The following CAMTA1 variants were observed in gnomAD, a reference collection of about 807,000 sequenced individuals.
CAMTA1 encodes calmodulin-binding transcription activator 1.
Under a neutral mutation model 170.9 loss-of-function variants are expected in CAMTA1, and 27 were observed. The ratio of observed to expected loss-of-function variants is 0.16; its 90% CI spans 0.12 to 0.22. The LOEUF (loss-of-function observed/expected upper bound fraction) is 0.22. CAMTA1 is among the 10% of genes least tolerant of loss of function. CAMTA1 has a pLI of 1.00. For synonymous variants in CAMTA1, 833 were observed against 891.5 expected (o/e 0.93, Z 1.17); for missense variants, 1,619 against 2,217.2 (o/e 0.73, Z 5.42).
At position 6,948,401 on chromosome 1, in the gene CAMTA1, C is replaced by T. The variant is rs555444307; in HGVS notation, c.234+123191C>T. On this transcript the variant is annotated intron_variant, in intron 3 of 22. Transcript: ENST00000303635. ...ACCGGCTGCTTCCCATATGTACATG[C>T]GTAGGTAAGAGCAAGATAGAAATGA... is the stretch of plus-strand genomic sequence containing the variant. Among the ~76,000 whole-genome samples the T allele has an allele frequency of 1.1e-4, 17 of 152,276 alleles. No homozygotes were observed. In the South Asian group the frequency reaches 3.3e-3, roughly 30 times the overall value.
chr1:7,375,347 C>A (rs2086763870), intron 5 of CAMTA1, among the ~76,000 whole-genome samples: 1 of 152,146 alleles, frequency 6.6e-6, no homozygotes, highest in African/African-American at 2.4e-5. Context: ...CAGCCCCTGA[C>A]CCGAAACCAC....
At chr1:7,220,692 A>G (rs531076167) in intron 4 of CAMTA1, among the ~76,000 whole-genome samples, 2 of 152,306 alleles carry the variant, frequency 1.3e-5, no homozygotes, top group South Asian at 4.1e-4. Flanking sequence ...CACAGCCAAC[A>G]TCTGAGCTGC....
intron 5 of CAMTA1, among the ~76,000 whole-genome samples, chr1:7,457,764 G>T (rs1407846548): frequency 1.3e-5 from 2 of 152,126 alleles, no homozygotes; most frequent in Non-Finnish European, 2.9e-5. Flanking sequence ...CATCCAGACC[G>T]AGGGGCCCTC....
chr1:6,916,012 G>GC (rs1680705778), intron 3 of CAMTA1, among the ~76,000 whole-genome samples: 1 of 152,130 alleles, frequency 6.6e-6, no homozygotes, highest in Admixed American at 6.5e-5. Context: ...GGGTGGTGGA[G>GC]CCCTGAGTCT....
At chr1:7,290,005 G>A (rs143241837) in intron 5 of CAMTA1, among the ~76,000 whole-genome samples, 281 of 152,300 alleles carry the variant, frequency 1.8e-3, no homozygotes, top group African/African-American at 6.1e-3. Context: ...TAGACTTCTG[G>A]CATCCAGAAC....
At chr1:6,847,575 G>A (rs1181307932) in intron 3 of CAMTA1, among the ~76,000 whole-genome samples, 1 of 150,060 alleles carries the variant, frequency 6.7e-6, no homozygotes, top group African/African-American at 2.5e-5. Flanking sequence ...GTCTTACCCT[G>A]TCACCCAAGC....
intron 5 of CAMTA1, among the ~76,000 whole-genome samples, chr1:7,431,671 A>C (rs1269717697): frequency 6.6e-6 from 1 of 152,168 alleles, no homozygotes; most frequent in African/African-American, 2.4e-5. Flanking sequence ...CCGCTCAAGC[A>C]TACCCCAGCC....
At chr1:6,920,288 T>C (rs2149318556) in intron 3 of CAMTA1, among the ~76,000 whole-genome samples, 1 of 152,312 alleles carries the variant, frequency 6.6e-6, no homozygotes, top group Non-Finnish European at 1.5e-5. Context: ...AATTTTAAAG[T>C]TCCAAAATGA....
At position 7,726,367 on chromosome 1, in the gene CAMTA1, G is replaced by A. The variant is rs542931686; in HGVS notation, c.2915-6081G>A. Among the ~76,000 whole-genome samples, 8 of 152,112 alleles carry A rather than the reference G, an allele frequency of 5.3e-5. 1 individual carries two copies. Among genetic ancestry groups the A allele is most frequent in the South Asian group, 4.1e-4 (2 of 4,824 alleles). ...ACACCCCGCAGGATACAAACTATAT[G>A]TATTTATTTATAGCCTCCTATGTGG... On this transcript the variant is annotated intron_variant, in intron 11 of 22. Transcript: ENST00000303635.
intron 4 of CAMTA1, among the ~76,000 whole-genome samples, chr1:7,217,574 C>T (rs550059861): frequency 6.6e-6 from 1 of 152,152 alleles, no homozygotes; most frequent in South Asian, 2.1e-4. Flanking sequence ...TTATGTTCTA[C>T]TTGCTGTACT....
rs1260648934 is a variant in CAMTA1, at chr1:7,642,084, C to T, written c.664+1531C>T. Among the ~76,000 whole-genome samples, 1 of 152,078 alleles carries T rather than the reference C, an allele frequency of 6.6e-6. No homozygotes were observed. Among genetic ancestry groups the T allele is most frequent in the Non-Finnish European group, 1.5e-5 (1 of 68,000 alleles). On this transcript the variant is annotated intron_variant, in intron 7 of 22. Coordinates refer to ENST00000303635, the MANE Select transcript of CAMTA1 (RefSeq NM_015215.4). The surrounding 1 kb of genome is among the most constrained non-coding windows in gnomAD (Gnocchi z 6.3). Reference sequence around the variant, plus strand: ...TGCTCACCCCACCTTTCCCTCAGCTCTCAGCCTCTCCACAGGCCCTCCCAC... The same window carrying T: ...TGCTCACCCCACCTTTCCCTCAGCTTTCAGCCTCTCCACAGGCCCTCCCAC...
At position 6,810,950 on chromosome 1, in the gene CAMTA1, C is replaced by T. The variant is rs184043750; in HGVS notation, c.46-9231C>T. ...GCCTTGGAGGATGCAGATGGAAAAACGGGAGCTTTCAGAGGCGGAAGTTTT... is the reference window on the plus strand; with the variant it reads ...GCCTTGGAGGATGCAGATGGAAAAATGGGAGCTTTCAGAGGCGGAAGTTTT... On this transcript the variant is annotated intron_variant, in intron 1 of 22. Coordinates refer to ENST00000303635, the MANE Select transcript of CAMTA1 (RefSeq NM_015215.4). Among the ~76,000 whole-genome samples the T allele has an allele frequency of 2.0e-3, 303 of 152,238 alleles. 1 individual carries two copies. The highest frequency in any genetic ancestry group is 6.9e-3 in the African/African-American group (288 of 41,550).
At chr1:7,385,419 A>T (rs1188130857) in intron 5 of CAMTA1, among the ~76,000 whole-genome samples, 2 of 152,186 alleles carry the variant, frequency 1.3e-5, no homozygotes, top group African/African-American at 4.8e-5. Context: ...TTTCAAGTTG[A>T]ATCTGTTGAT....
intron 11 of CAMTA1, among the ~76,000 whole-genome samples, chr1:7,699,777 C>G (rs910632255): frequency 5.3e-5 from 8 of 152,314 alleles, no homozygotes; most frequent in African/African-American, 1.9e-4. Context: ...TTGATTTCCT[C>G]AAATCAAATG....
intron 5 of CAMTA1, among the ~76,000 whole-genome samples, chr1:7,264,202 A>C (rs1484391457): frequency 6.6e-6 from 1 of 152,138 alleles, no homozygotes; most frequent in Non-Finnish European, 1.5e-5. Context: ...ATTCTGATTC[A>C]GTTGGTCTGG....
chr1:7,081,351 G>A (rs1409059166), intron 3 of CAMTA1, among the ~76,000 whole-genome samples: 1 of 152,200 alleles, frequency 6.6e-6, no homozygotes, highest in Non-Finnish European at 1.5e-5. Context: ...GGAGAAATAT[G>A]TACAGGGTCC....
chr1:7,713,296 GAGAA>G (rs1304106534), intron 11 of CAMTA1, among the ~76,000 whole-genome samples: 1 of 152,182 alleles, frequency 6.6e-6, no homozygotes, highest in Non-Finnish European at 1.5e-5. Context: ...AGCCTGATGA[GAGAA>G]AGAGGAGGAA....
chr1:7,622,577 G>A lies in CAMTA1; in HGVS notation c.511-17823G>A, dbSNP rs181158723. Among the ~76,000 whole-genome samples, 7 of 152,262 alleles carry A rather than the reference G, an allele frequency of 4.6e-5. No homozygotes were observed. The East Asian group carries it at 1.4e-3, about 29-fold the overall frequency. On this transcript the variant is annotated intron_variant, in intron 6 of 22. Coordinates refer to ENST00000303635, the MANE Select transcript of CAMTA1 (RefSeq NM_015215.4). ...GTAAGCCTTCCACCACCTGAACTTT[G>A]ACAACTTTCTCCCTAATGGGTTTCT...
At chr1:6,865,010 G>C (rs549571217) in intron 3 of CAMTA1, among the ~76,000 whole-genome samples, 1 of 152,194 alleles carries the variant, frequency 6.6e-6, no homozygotes, top group African/African-American at 2.4e-5. Context: ...TCACTATGTG[G>C]CCCAGGCTGG....
Sources: allele counts gnomAD v4.1 joint callset (sites outside exome capture counted in the v4.1 genomes callset), GRCh38; gene constraint gnomAD v4.1.1; non-coding constraint Gnocchi (gnomAD v3.1); transcripts MANE v1.5; gene names NCBI Gene and HGNC (gene_info 2026-07-23, HGNC 2026-07-21).